The following MMP17 variants were observed in gnomAD, a reference collection of about 807,000 sequenced individuals.
MMP17 encodes matrix metallopeptidase 17, also known as matrix metalloproteinase-17.
In MMP17, 54 loss-of-function variants were observed where a neutral mutation model predicts 49.1. The observed-to-expected ratio is 1.10, with a 90% CI of 0.88 to 1.38. MMP17 has a LOEUF of 1.38. Among genes scored for constraint, MMP17 ranks in the 40% most tolerant of loss-of-function variants. The pLI, the probability that MMP17 is intolerant of heterozygous loss-of-function variation, is 0.00. For missense variants in MMP17, 837 were observed against 853.7 expected, an observed-to-expected ratio of 0.98 and a Z score of 0.24; for synonymous variants, 397 against 383.1, an observed-to-expected ratio of 1.04 and a Z score of -0.42.
In MMP17 at chr12:131,849,794, G is replaced by A. The variant is rs377417552; in HGVS notation, c.1205-8G>A. On this transcript the variant is annotated splice_polypyrimidine_tract_variant and splice_region_variant and intron_variant, in intron 8 of 9. Coordinates refer to ENST00000360564, the MANE Select transcript of MMP17 (RefSeq NM_016155.7). ...GCCCCGGCCCACAGCTGTTTCTCTCGCCCCCAGGAGACAGGTACTGGGTGT... is the reference window on the plus strand; with the variant it reads ...GCCCCGGCCCACAGCTGTTTCTCTCACCCCCAGGAGACAGGTACTGGGTGT... 3.6e-5 allele frequency: 58 copies of A among 1,605,226 alleles called. 1 individual carries two copies. The highest frequency in any genetic ancestry group is 2.5e-4 in the African/African-American group (19 of 74,748).
At chr12:131,850,579 G>A (rs1351871704) in intron 9 of MMP17, among the ~76,000 whole-genome samples, 1 of 152,186 alleles carries the variant, frequency 6.6e-6, no homozygotes, top group Non-Finnish European at 1.5e-5. Context: ...TATCCAGTAA[G>A]GGAAAGAGAC....
At chr12:131,845,704 G>T (rs1887673217) in intron 8 of MMP17, among the ~76,000 whole-genome samples, 1 of 151,560 alleles carries the variant, frequency 6.6e-6, no homozygotes, top group African/African-American at 2.5e-5. Flanking sequence ...TCAGGCCACA[G>T]TCCACCCGCA....
At chr12:131,841,185 A>G (rs35456238) in intron 4 of MMP17, among the ~76,000 whole-genome samples, 1 of 152,200 alleles carries the variant, frequency 6.6e-6, no homozygotes, top group Non-Finnish European at 1.5e-5. Flanking sequence ...CGTTGTCTGC[A>G]GAAGTCTCAG....
chr12:131,844,948 G>A (rs1446625479), intron 6 of MMP17, 170 bp from the exon 7 acceptor site: 7 of 428,594 alleles, frequency 1.6e-5, no homozygotes, highest in African/African-American at 9.1e-5. Flanking sequence ...CTGAAGCGGT[G>A]GACAGGCACC....
intron 1 of MMP17, among the ~76,000 whole-genome samples, chr12:131,831,579 G>GT (rs928389248): frequency 8.6e-5 from 13 of 151,884 alleles, no homozygotes; most frequent in Non-Finnish European, 1.8e-4. Context: ...AGGCAGGAGG[G>GT]TTAGACCATG....
chr12:131,849,519 T>C (rs1887865566), intron 8 of MMP17, among the ~76,000 whole-genome samples: 1 of 152,174 alleles, frequency 6.6e-6, no homozygotes, highest in Non-Finnish European at 1.5e-5. Context: ...GGATGGCATG[T>C]CGTGGGCCTC....
intron 1 of MMP17, among the ~76,000 whole-genome samples, chr12:131,834,331 G>A (rs1886968249): frequency 6.6e-6 from 1 of 152,000 alleles, no homozygotes. Context: ...CTTCTGGAAG[G>A]TTCACCCTGC....
Position 131,838,328 on chromosome 12 carries a change from G to T in MMP17, c.292+1G>T, listed in dbSNP as rs1225946853. 6.2e-6 allele frequency: 10 copies of T among 1,612,568 alleles called. No homozygotes were observed. Among genetic ancestry groups the T allele is most frequent in the Admixed American group, 3.3e-5 (2 of 59,912 alleles). ...GGCCTGGAGGCCACCGGCATCCTGG[G>T]TCAGTTCTCCAGGGGGCAGCGGGAG... On this transcript the variant is annotated splice_donor_variant, in intron 2 of 9. Transcript: ENST00000360564. LOFTEE classifies it high-confidence loss of function.
chr12:131,851,059 G>T lies in MMP17; in HGVS notation c.1597G>T (p.Ala533Ser). 6.2e-7 allele frequency: 1 copy of T among 1,608,374 alleles called. No homozygotes were observed. Among genetic ancestry groups the T allele is most frequent in the East Asian group, 2.2e-5 (1 of 44,530 alleles). ...CGDSQADGSV[A>S]AGVDAAEGPR... ...AGACTCACAGGCCGATGGATCTGTGGCTGCGGGCGTGGACGCGGCAGAGGG... is the reference window on the plus strand; with the variant it reads ...AGACTCACAGGCCGATGGATCTGTGTCTGCGGGCGTGGACGCGGCAGAGGG... Residue 533 changes from alanine (A) to serine (S), a missense_variant, in exon 10 of 10, where the codon GCT becomes TCT. Coordinates refer to ENST00000360564, the MANE Select transcript of MMP17 (RefSeq NM_016155.7).
intron 8 of MMP17, among the ~76,000 whole-genome samples, chr12:131,849,498 T>C (rs1887864954): frequency 1.3e-5 from 2 of 152,106 alleles, no homozygotes; most frequent in South Asian, 4.2e-4. Flanking sequence ...ATAATGATCA[T>C]AATAATAATA....
chr12:131,836,586 C>CA (rs1887096190), intron 1 of MMP17, among the ~76,000 whole-genome samples: 1 of 149,472 alleles, frequency 6.7e-6, no homozygotes, highest in Admixed American at 6.7e-5. Flanking sequence ...CAGAAATGGT[C>CA]AAAAATGGGC....
intron 1 of MMP17, among the ~76,000 whole-genome samples, chr12:131,831,812 A>T: frequency 1.0e-5 from 1 of 97,326 alleles, no homozygotes; most frequent in Non-Finnish European, 2.0e-5. Flanking sequence ...AGGAAGGGGG[A>T]AGGCTGGAGA....
chr12:131,839,856 G>T (rs1039572612), intron 3 of MMP17, among the ~76,000 whole-genome samples: 1 of 126,484 alleles, frequency 7.9e-6, no homozygotes, highest in African/African-American at 3.0e-5. Flanking sequence ...GCTGAGGCAG[G>T]AGAATCACTT....
intron 3 of MMP17, chr12:131,840,282 AC>A: frequency 2.7e-6 from 1 of 372,322 alleles, no homozygotes; most frequent in Middle Eastern, 7.4e-4. Flanking sequence ...GACGGGACGC[AC>A]CGTTGAGGGC....
At chr12:131,841,278 A>G (rs977453665) in intron 4 of MMP17, among the ~76,000 whole-genome samples, 1 of 152,228 alleles carries the variant, frequency 6.6e-6, no homozygotes, top group Non-Finnish European at 1.5e-5. Flanking sequence ...TTGTGGGGCC[A>G]GGGGTCAGTG....
rs1002786286 is a variant in MMP17, at chr12:131,851,495, C to T, written c.*221C>T. Reference sequence around the variant, plus strand: ...TGAGGGACTGTGTTGACTGACGAGCCGAGGGGTGGCCGCTCCAGAAGGGTG... The same window carrying T: ...TGAGGGACTGTGTTGACTGACGAGCTGAGGGGTGGCCGCTCCAGAAGGGTG... On this transcript the variant is annotated 3_prime_UTR_variant, in exon 10 of 10. Transcript: ENST00000360564. 11 of 410,706 alleles carry T rather than the reference C, an allele frequency of 2.7e-5. No individual in the cohort carries two copies. The highest frequency in any genetic ancestry group is 4.1e-5 in the African/African-American group (2 of 48,778). The allele number at this position is 410,706 out of a possible 1,614,324, so 25.4% of individuals were successfully genotyped here.
intron 8 of MMP17, among the ~76,000 whole-genome samples, chr12:131,849,521 G>A (rs749116936): frequency 1.1e-4 from 16 of 152,298 alleles, no homozygotes; most frequent in South Asian, 2.1e-4. Context: ...ATGGCATGTC[G>A]TGGGCCTCGG....
rs960379992 is a variant in MMP17, at chr12:131,850,302, G to T, written c.1462+243G>T. Among the ~76,000 whole-genome samples the T allele has an allele frequency of 2.0e-5, 3 of 152,228 alleles. No individual in the cohort carries two copies. In the East Asian group the frequency reaches 5.8e-4, roughly 29 times the overall value. On this transcript the variant is annotated intron_variant, in intron 9 of 9. Transcript: ENST00000360564. The stretch of plus-strand genomic sequence containing the variant: ...CCCTCAGCACTCCCTCGCCCCTGCT[G>T]CTCCCCCAGCCACGCTCCTGCCCCA...
rs564366150 is a variant in MMP17, at chr12:131,835,298, C to T, written c.160-2897C>T. On this transcript the variant is annotated intron_variant, in intron 1 of 9. Coordinates refer to ENST00000360564, the MANE Select transcript of MMP17 (RefSeq NM_016155.7). The stretch of plus-strand genomic sequence containing the variant: ...GGCGACAGTGCCTGTTTATCATGGG[C>T]GGGGCTGCCTGTCCCGGGCTGGTGC... Among the ~76,000 whole-genome samples, 159 of 152,364 alleles carry T rather than the reference C, an allele frequency of 1.0e-3. 2 individuals are homozygous for T. The highest frequency in any genetic ancestry group is 5.4e-4 in the Non-Finnish European group (37 of 68,044).
Sources: gnomAD v4.1 joint callset for allele counts (sites outside exome capture counted in the v4.1 genomes callset) on GRCh38, gnomAD v4.1.1 for gene constraint, MANE v1.5 for transcripts, NCBI Gene and HGNC (gene_info 2026-07-23, HGNC 2026-07-21) for gene names.